SCTR: variants seen among roughly 807,000 people sequenced by gnomAD.
SCTR encodes the protein secretin receptor, also known as pancreatic secretin receptor.
Under a neutral mutation model 60.8 loss-of-function variants are expected in SCTR, and 56 were observed. The ratio of observed to expected loss-of-function variants is 0.92; its 90% CI spans 0.74 to 1.15. SCTR has a LOEUF of 1.15. SCTR is among the 50% of genes most tolerant of loss of function. SCTR has a pLI of 0.00. For synonymous variants in SCTR, 202 were observed against 217.0 expected (o/e 0.93, Z 0.61); for missense variants, 562 against 550.4 (o/e 1.02, Z -0.21).
rs896539586 is a variant in SCTR, at chr2:119,500,859, A to T, written c.73-6311T>A. ...TAAAATAATCTGTTGTATATTTCAAAATAGCTAGAAGACAATAATTTCAAT... is the reference window on the plus strand; with the variant it reads ...TAAAATAATCTGTTGTATATTTCAATATAGCTAGAAGACAATAATTTCAAT... On this transcript the variant is annotated intron_variant, in intron 1 of 12. Coordinates refer to ENST00000019103, the MANE Select transcript of SCTR (RefSeq NM_002980.3). 2.0e-5 allele frequency among the ~76,000 whole-genome samples: 3 copies of T among 152,222 alleles called. 1 individual carries two copies. The highest frequency in any genetic ancestry group is 1.3e-4 in the Admixed American group (2 of 15,276).
chr2:119,482,573 G>A (rs1677671776), intron 2 of SCTR, among the ~76,000 whole-genome samples: 1 of 152,236 alleles, frequency 6.6e-6, no homozygotes, highest in Non-Finnish European at 1.5e-5. Flanking sequence ...GGATGTTCCA[G>A]AAGCTTCACC....
intron 5 of SCTR, 132 bp downstream of exon 5, chr2:119,465,657 T>C (rs1007689159): frequency 4.7e-6 from 3 of 644,496 alleles, no homozygotes; most frequent in Non-Finnish European, 2.8e-6. Context: ...TTGCCATAGG[T>C]CAGCTTTAGA....
chr2:119,501,843 C>G (rs1678563521), intron 1 of SCTR, among the ~76,000 whole-genome samples: 1 of 151,902 alleles, frequency 6.6e-6, no homozygotes, highest in Admixed American at 6.6e-5. Flanking sequence ...CCCAAGGAAT[C>G]TACCAAAAAA....
intron 12 of SCTR, 95 bp from the exon 13 acceptor site, chr2:119,440,352 A>G: frequency 7.1e-7 from 1 of 1,403,468 alleles, no homozygotes; most frequent in Non-Finnish European, 9.7e-7. Context: ...AGGCCCTGCC[A>G]CTCCTGCCCA....
At position 119,446,869 on chromosome 2, in the gene SCTR, T is replaced by C. The variant is rs1573790252; in HGVS notation, c.1030A>G (p.Thr344Ala). ...CCAAAGAGGGGGATCAGCAGGAGAG[T>C]GGACCTGGCCAGGCGCCTGGGGACA... ...VSHYKRLARS[T>A]LLLIPLFGIH... Residue 344 changes from threonine (T) to alanine (A), a missense_variant, in exon 11 of 13, where the codon ACT becomes GCT. Coordinates refer to ENST00000019103, the MANE Select transcript of SCTR (RefSeq NM_002980.3). The C allele has an allele frequency of 1.3e-6, 2 of 1,558,150 alleles. No homozygotes were observed. Among genetic ancestry groups the C allele is most frequent in the African/African-American group, 2.8e-5 (2 of 72,392 alleles).
intron 1 of SCTR, among the ~76,000 whole-genome samples, chr2:119,515,517 C>A (rs372123767): frequency 6.6e-6 from 1 of 152,128 alleles, no homozygotes; most frequent in Non-Finnish European, 1.5e-5. Context: ...ACCATCCAAT[C>A]GGCTGGGCAC....
chr2:119,485,511 T>G (rs1384391042), intron 2 of SCTR, among the ~76,000 whole-genome samples: 1 of 152,158 alleles, frequency 6.6e-6, no homozygotes, highest in Non-Finnish European at 1.5e-5. Flanking sequence ...GTCCTCTATT[T>G]ATAAATAAGC....
chr2:119,498,146 T>C (rs568857892), intron 1 of SCTR, among the ~76,000 whole-genome samples: 1 of 152,142 alleles, frequency 6.6e-6, no homozygotes, highest in Non-Finnish European at 1.5e-5. Flanking sequence ...AACTACACTT[T>C]ATCTAAAGGG....
Position 119,475,245 on chromosome 2 carries a change from T to C in SCTR, c.302-1689A>G, listed in dbSNP as rs146603100. ...GAAACAACGGTGGTCAAATTTAGGC[T>C]GGGTGGATGGGAAAGCAAGTTAAGG... On this transcript the variant is annotated intron_variant, in intron 3 of 12. Transcript: ENST00000019103. 1.4e-4 allele frequency among the ~76,000 whole-genome samples: 21 copies of C among 152,284 alleles called. No homozygotes were observed. In the East Asian group the frequency reaches 3.5e-3, roughly 25 times the overall value.
At chr2:119,493,632 ATTC>A (rs1390616121) in intron 2 of SCTR, among the ~76,000 whole-genome samples, 22 of 134,274 alleles carry the variant, frequency 1.6e-4, no homozygotes, top group African/African-American at 4.2e-4. Context: ...TATCACCTCC[ATTC>A]TTCTTCTTTT....
At chr2:119,443,827 G>A (rs1334035032) in intron 11 of SCTR, among the ~76,000 whole-genome samples, 1 of 152,204 alleles carries the variant, frequency 6.6e-6, no homozygotes, top group Non-Finnish European at 1.5e-5. Flanking sequence ...GATTACAGGC[G>A]TGAGCCCCCG....
intron 1 of SCTR, among the ~76,000 whole-genome samples, chr2:119,508,577 A>G (rs1027877956): frequency 6.6e-6 from 1 of 151,422 alleles, no homozygotes; most frequent in African/African-American, 2.4e-5. Context: ...TGGTAGAGAC[A>G]AGGTTTTGCC....
intron 1 of SCTR, among the ~76,000 whole-genome samples, chr2:119,506,422 T>C (rs1678740709): frequency 6.6e-6 from 1 of 152,168 alleles, no homozygotes; most frequent in Non-Finnish European, 1.5e-5. Context: ...TTACATACTA[T>C]ATTATTCCAT....
intron 1 of SCTR, among the ~76,000 whole-genome samples, chr2:119,501,491 A>G (rs1678550976): frequency 6.6e-6 from 1 of 152,156 alleles, no homozygotes; most frequent in South Asian, 2.1e-4. Flanking sequence ...GGAGGAAAGG[A>G]TGAACAGATG....
chr2:119,501,269 G>A (rs772732913), intron 1 of SCTR, among the ~76,000 whole-genome samples: 3 of 152,248 alleles, frequency 2.0e-5, no homozygotes, highest in Non-Finnish European at 2.9e-5. Flanking sequence ...AATTAGCCAG[G>A]CTTGGTGGCA....
chr2:119,485,282 T>C (rs1366720782), intron 2 of SCTR, among the ~76,000 whole-genome samples: 1 of 152,144 alleles, frequency 6.6e-6, no homozygotes, highest in African/African-American at 2.4e-5. Context: ...AGATTCCTGG[T>C]CTTTATATTT....
At chr2:119,441,714 C>G (rs1272089783) in intron 11 of SCTR, 115 bp from the exon 12 acceptor site, 2 of 884,472 alleles carry the variant, frequency 2.3e-6, no homozygotes, top group Non-Finnish European at 3.7e-6. Context: ...GGCTCATTTC[C>G]CCACCTCTCT....
intron 1 of SCTR, among the ~76,000 whole-genome samples, chr2:119,501,996 C>T (rs1678569484): frequency 6.6e-6 from 1 of 152,182 alleles, no homozygotes. Context: ...TGGCTCATGC[C>T]TGTAATCATA....
rs756865185 is a variant in SCTR, at chr2:119,494,481, T to C, written c.140A>G (p.Gln47Arg). Reference sequence around the variant, plus strand: ...TCCTGTCTGCTCTCTGGAGAGTTCCTGCAGGCACTGGTCTTGCTCTTCCCA... The same window carrying C: ...TCCTGTCTGCTCTCTGGAGAGTTCCCGCAGGCACTGGTCTTGCTCTTCCCA... ...VLWEEQDQCL[Q>R]ELSREQTGDL... The change falls in exon 2 of 13, where the codon CAG (glutamine) becomes CGG (arginine). Residue 47 changes from glutamine to arginine, a missense_variant. Gln to Arg is a conservative substitution (Grantham distance 43, BLOSUM62 1). Coordinates refer to ENST00000019103, the MANE Select transcript of SCTR (RefSeq NM_002980.3). The C allele has an allele frequency of 1.7e-5, 27 of 1,613,972 alleles. 1 individual carries two copies. The highest frequency in any genetic ancestry group is 1.7e-6 in the Non-Finnish European group (2 of 1,179,976).
Sources: gnomAD v4.1 joint callset for allele counts (sites outside exome capture counted in the v4.1 genomes callset) on GRCh38, gnomAD v4.1.1 for gene constraint, MANE v1.5 for transcripts, NCBI Gene and HGNC (gene_info 2026-07-23, HGNC 2026-07-21) for gene names.